JARID2: variants seen among roughly 807,000 people sequenced by gnomAD.
JARID2 encodes jumonji and AT-rich interaction domain containing 2, also known as protein Jumonji.
A neutral mutation model predicts 125.6 loss-of-function variants in JARID2; 21 were observed. The observed-to-expected ratio is 0.17, with a 90% confidence interval of 0.12 to 0.24. The LOEUF (loss-of-function observed/expected upper bound fraction) is 0.24. Among genes scored for constraint, JARID2 ranks in the 10% least tolerant of loss-of-function variants. JARID2 has a pLI of 1.00. For missense variants in JARID2, 1,303 were observed against 1,639.6 expected, an observed-to-expected ratio of 0.79 and a Z score of 3.55; for synonymous variants, 736 against 661.6, an observed-to-expected ratio of 1.11 and a Z score of -1.73.
chr6:15,520,200 C>A lies in JARID2; in HGVS notation c.3690C>A (p.Pro1230=). ...AGAGAGCGACAGTGGACGTGCCCCC[C>A]TCCCGTCTGTCAGCCTCCAGTTCAT... ...PRKRATVDVP[P]SRLSASSSSK... is the part of the protein sequence containing the mutation. Residue 1230 remains proline, a synonymous_variant, in exon 18 of 18, where the codon CCC becomes CCA. Coordinates refer to ENST00000341776, the MANE Select transcript of JARID2 (RefSeq NM_004973.4). 1 of 1,613,614 alleles carries A rather than the reference C, an allele frequency of 6.2e-7. No homozygotes were observed. The highest frequency in any genetic ancestry group is 1.1e-5 in the South Asian group (1 of 91,000).
chr6:15,398,144 A>T (rs1260424748), intron 2 of JARID2, among the ~76,000 whole-genome samples: 1 of 151,898 alleles, frequency 6.6e-6, no homozygotes, highest in Non-Finnish European at 1.5e-5. Context: ...TATAATATTA[A>T]AAAGTTAGCA....
chr6:15,424,209 C>T (rs1044174934), intron 3 of JARID2, among the ~76,000 whole-genome samples: 5 of 151,198 alleles, frequency 3.3e-5, no homozygotes, highest in African/African-American at 9.7e-5. Context: ...CTCAAGTGAT[C>T]CTCCTGCCTC....
chr6:15,413,008 G>GTTTTTTTGTTTT (rs1765959351), intron 3 of JARID2, among the ~76,000 whole-genome samples: 1 of 47,474 alleles, frequency 2.1e-5, no homozygotes, highest in African/African-American at 1.0e-4. Context: ...TTGTGTTTTT[G>GTTTTTTTGTTTT]TTTTTTTTTT....
At chr6:15,447,222 C>CAT (rs759223173) in intron 3 of JARID2, among the ~76,000 whole-genome samples, 3 of 152,184 alleles carry the variant, frequency 2.0e-5, no homozygotes, top group Non-Finnish European at 4.4e-5. Context: ...AATATATCAA[C>CAT]ATACTTCTTC....
chr6:15,436,082 C>T (rs565158014), intron 3 of JARID2, among the ~76,000 whole-genome samples: 1 of 152,106 alleles, frequency 6.6e-6, no homozygotes, highest in Non-Finnish European at 1.5e-5. Flanking sequence ...TGAATGTTTA[C>T]AGCTGAAGTC....
At chr6:15,404,553 A>G (rs1287826737) in intron 2 of JARID2, among the ~76,000 whole-genome samples, 1 of 151,390 alleles carries the variant, frequency 6.6e-6, no homozygotes, top group South Asian at 2.1e-4. Flanking sequence ...ACACACACAC[A>G]CACACACACA....
chr6:15,384,784 G>A lies in JARID2; in HGVS notation c.181+10532G>A, dbSNP rs550200321. 9.2e-5 allele frequency among the ~76,000 whole-genome samples: 14 copies of A among 152,202 alleles called. No homozygotes were observed. The South Asian group carries it at 2.9e-3, about 32-fold the overall frequency. On this transcript the variant is annotated intron_variant, in intron 2 of 17. Transcript: ENST00000341776. ...AATAGACACAGTGTTGCCCATGCTG[G>A]TCTCGAACTGCCGGGCTTAAGTGAT...
At chr6:15,520,007 T>C in intron 17 of JARID2, 62 bp from the exon 18 acceptor site, 1 of 1,449,568 alleles carries the variant, frequency 6.9e-7, no homozygotes, top group Non-Finnish European at 9.3e-7. Context: ...TGCATGGCTC[T>C]CAGGGACAGA....
chr6:15,476,651 C>G (rs1769354623), intron 5 of JARID2, among the ~76,000 whole-genome samples: 2 of 152,192 alleles, frequency 1.3e-5, no homozygotes, highest in Non-Finnish European at 2.9e-5. Context: ...GGTTAGCACT[C>G]AAGGGTTACA....
At chr6:15,491,277 C>T (rs1770137774) in intron 6 of JARID2, among the ~76,000 whole-genome samples, 1 of 152,192 alleles carries the variant, frequency 6.6e-6, no homozygotes, top group African/African-American at 2.4e-5. Context: ...GTTATAGGTA[C>T]ATCTAGATTG....
chr6:15,416,218 C>T (rs1033540961), intron 3 of JARID2, among the ~76,000 whole-genome samples: 100 of 150,526 alleles, frequency 6.6e-4, no homozygotes, highest in African/African-American at 2.2e-3. Context: ...GTAGCCAGGC[C>T]GAGGGGCTCC....
intron 2 of JARID2, among the ~76,000 whole-genome samples, chr6:15,398,068 G>A (rs547801653): frequency 1.3e-5 from 2 of 152,294 alleles, no homozygotes; most frequent in South Asian, 4.1e-4. Flanking sequence ...ATTCCCATTG[G>A]AACCTGTTTT....
intron 9 of JARID2, among the ~76,000 whole-genome samples, chr6:15,504,830 A>C (rs1193026764): frequency 6.6e-6 from 1 of 152,180 alleles, no homozygotes; most frequent in Non-Finnish European, 1.5e-5. Flanking sequence ...TGCCGAGTGC[A>C]GGGGACGGGT....
At chr6:15,511,713 C>A (rs1378032243) in intron 13 of JARID2, among the ~76,000 whole-genome samples, 1 of 152,206 alleles carries the variant, frequency 6.6e-6, no homozygotes, top group East Asian at 1.9e-4. Flanking sequence ...AGCACAAAGG[C>A]TTCTTCACCT....
chr6:15,341,831 G>C (rs745764159), intron 1 of JARID2, among the ~76,000 whole-genome samples: 2 of 152,186 alleles, frequency 1.3e-5, no homozygotes, highest in Non-Finnish European at 2.9e-5. Flanking sequence ...TTAATATTAT[G>C]GGAGGGTGTG....
At chr6:15,420,318 G>T (rs1348114054) in intron 3 of JARID2, among the ~76,000 whole-genome samples, 1 of 151,306 alleles carries the variant, frequency 6.6e-6, no homozygotes, top group African/African-American at 2.4e-5. Flanking sequence ...CAGGAGAATT[G>T]CTTGAACCCA....
rs760908477 is a variant in JARID2, at chr6:15,496,815, G to C, written c.1590G>C (p.Pro530=). Residue 530 remains proline, a synonymous_variant, in exon 7 of 18, where the codon CCG becomes CCC. Coordinates refer to ENST00000341776, the MANE Select transcript of JARID2 (RefSeq NM_004973.4). ...GTGAAAATCGTTCTACCTCGCAACC[G>C]GAGTCCGTGCACAAGCCGCAGGACT... ...ASCENRSTSQ[P]ESVHKPQDSG... is the part of the protein sequence containing the mutation. The C allele has an allele frequency of 1.4e-5, 22 of 1,605,072 alleles. No individual in the cohort carries two copies. The South Asian group carries it at 2.1e-4, about 15-fold the overall frequency.
At position 15,296,896 on chromosome 6, in the gene JARID2, C is replaced by A. The variant is rs534324744; in HGVS notation, c.45+50312C>A. Among the ~76,000 whole-genome samples the A allele has an allele frequency of 3.3e-5, 5 of 152,346 alleles. No individual in the cohort carries two copies. In the South Asian group the frequency reaches 1.0e-3, roughly 32 times the overall value. ...ATTTCATTTTCCATTTTGGTTTCCA[C>A]TGCAGTATTCATAGCACCTCAGGGC... On this transcript the variant is annotated intron_variant, in intron 1 of 17. Transcript: ENST00000341776.
In JARID2 at chr6:15,458,617, A is replaced by G. The variant is rs4715977; in HGVS notation, c.493+6442A>G. Among the ~76,000 whole-genome samples the G allele has an allele frequency of 7.5e-3, 1,137 of 152,332 alleles. 13 individuals are homozygous for G. The highest frequency in any genetic ancestry group is 0.025 in the African/African-American group (1,046 of 41,560). ...CTAGAAAACAGATTAGACACAGGAAAGCAGTATTGGTGGTGGGTGAAATTG... is the reference window on the plus strand; with the variant it reads ...CTAGAAAACAGATTAGACACAGGAAGGCAGTATTGGTGGTGGGTGAAATTG... On this transcript the variant is annotated intron_variant, in intron 4 of 17. Transcript: ENST00000341776.
Sources: gnomAD v4.1 joint callset for allele counts (sites outside exome capture counted in the v4.1 genomes callset) on GRCh38, gnomAD v4.1.1 for gene constraint, MANE v1.5 for transcripts, NCBI Gene and HGNC (gene_info 2026-07-23, HGNC 2026-07-21) for gene names.